The following FIP1L1 variants were observed in gnomAD, a reference collection of about 807,000 sequenced individuals.
FIP1L1 encodes factor interacting with PAPOLA and CPSF1.
A neutral mutation model predicts 84.6 loss-of-function variants in FIP1L1; 21 were observed. That is an observed-to-expected ratio of 0.25 (90% CI 0.18 to 0.36). The LOEUF is 0.36. FIP1L1 is among the 10% of genes least tolerant of loss of function. The pLI is 1.00. For synonymous variants in FIP1L1, 263 were observed against 242.3 expected, an observed-to-expected ratio of 1.09 and a Z score of -0.80; for missense variants, 526 against 751.1, an observed-to-expected ratio of 0.70 and a Z score of 3.50.
chr4:53,411,065 C>G (rs1254738979), intron 10 of FIP1L1, among the ~76,000 whole-genome samples: 1 of 152,090 alleles, frequency 6.6e-6, no homozygotes, highest in Non-Finnish European at 1.5e-5. Flanking sequence ...GGGTGTTTCT[C>G]TGACTCTTGT....
At chr4:53,441,900 T>C (rs995118725) in intron 13 of FIP1L1, among the ~76,000 whole-genome samples, 4 of 151,992 alleles carry the variant, frequency 2.6e-5, no homozygotes, top group Admixed American at 1.3e-4. Flanking sequence ...TCATAAGGAA[T>C]TGACATCATA....
chr4:53,392,481 A>G (rs1234593871), intron 9 of FIP1L1, among the ~76,000 whole-genome samples: 1 of 152,228 alleles, frequency 6.6e-6, no homozygotes, highest in Non-Finnish European at 1.5e-5. Flanking sequence ...TTTTGCAAAT[A>G]TTTTGAAAGT....
In FIP1L1 at chr4:53,390,539, T is replaced by A; in HGVS notation, c.416T>A (p.Val139Glu). 6.2e-7 allele frequency: 1 copy of A among 1,611,620 alleles called. No homozygotes were observed. Among genetic ancestry groups the A allele is most frequent in the Non-Finnish European group, 8.5e-7 (1 of 1,178,224 alleles). The change falls in exon 7 of 18, where the codon GTA (valine) becomes GAA (glutamate). Residue 139 changes from valine (V) to glutamate (E), a missense_variant. Val to Glu is a moderately radical substitution (Grantham distance 121). Coordinates refer to ENST00000337488, the MANE Select transcript of FIP1L1 (RefSeq NM_030917.4). ...YGTTGTKVKG[V>E]DLDAPGSING... ...AAAACAGGGACAAAAGTCAAAGGAG[T>A]AGACCTTGATGCACCTGGAAGCATT...
chr4:53,437,906 T>A (rs1770146197), intron 13 of FIP1L1, among the ~76,000 whole-genome samples: 1 of 151,862 alleles, frequency 6.6e-6, no homozygotes, highest in Admixed American at 6.6e-5. Context: ...TTTGTATTTT[T>A]AGTAGAGACA....
chr4:53,421,744 A>G (rs565005802), intron 11 of FIP1L1, among the ~76,000 whole-genome samples: 6 of 152,352 alleles, frequency 3.9e-5, no homozygotes, highest in Non-Finnish European at 7.3e-5. Context: ...CTTTTAGAAT[A>G]TGGTTATAAA....
chr4:53,432,625 C>G (rs960697280), intron 13 of FIP1L1, among the ~76,000 whole-genome samples: 126 of 152,044 alleles, frequency 8.3e-4, no homozygotes, highest in Non-Finnish European at 1.6e-3. Flanking sequence ...GGGTACTATT[C>G]TGAGTACATT....
intron 10 of FIP1L1, among the ~76,000 whole-genome samples, chr4:53,402,412 A>G (rs1345756695): frequency 6.6e-6 from 1 of 152,160 alleles, no homozygotes; most frequent in Non-Finnish European, 1.5e-5. Context: ...AGAAAAAAAC[A>G]GCATTTTGGC....
intron 13 of FIP1L1, among the ~76,000 whole-genome samples, chr4:53,430,341 CTTTT>C (rs376793476): frequency 2.6e-5 from 2 of 75,804 alleles, no homozygotes; most frequent in Admixed American, 1.8e-4. Flanking sequence ...GATAAAATTA[CTTTT>C]TTTTTTTTTT....
rs1408110133 is a variant in FIP1L1 at position 53,452,846 on chromosome 4, T to TA, written c.1286-74_1286-73insA. ...AAAATGAATTTCTATTATAATCTCA[T>TA]GACACATTTTTGGTGGGCATTTTGT... is the stretch of plus-strand genomic sequence containing the variant. On this transcript the variant is annotated intron_variant, in intron 15 of 17. Transcript: ENST00000337488. 3.8e-6 allele frequency: 4 copies of TA among 1,055,554 alleles called. No individual in the cohort carries two copies. In the East Asian group the frequency reaches 9.5e-5, roughly 25 times the overall value. The allele number at this position is 1,055,554 out of a possible 1,614,324, so 65.4% of individuals were successfully genotyped here.
chr4:53,433,980 T>A (rs1458039824), intron 13 of FIP1L1, among the ~76,000 whole-genome samples: 3 of 152,116 alleles, frequency 2.0e-5, no homozygotes, highest in Non-Finnish European at 4.4e-5. Context: ...GGCGAGTTGC[T>A]CATATCTAGG....
intron 4 of FIP1L1, 84 bp from the exon 5 acceptor site, chr4:53,383,687 CAG>C: frequency 8.2e-7 from 1 of 1,220,476 alleles, no homozygotes; most frequent in Admixed American, 3.0e-5. Context: ...AAAAAAAAAA[CAG>C]GGTGGTTACT....
chr4:53,425,544 A>G (rs1763990898), intron 11 of FIP1L1, among the ~76,000 whole-genome samples: 2 of 152,102 alleles, frequency 1.3e-5, no homozygotes, highest in Admixed American at 1.3e-4. Flanking sequence ...CCATTTGTCT[A>G]GCATTTGCTG....
In FIP1L1 at chr4:53,459,484, G is replaced by A. The variant is rs1721347127; in HGVS notation, c.*35G>A. On this transcript the variant is annotated 3_prime_UTR_variant, in exon 18 of 18. Coordinates refer to ENST00000337488, the MANE Select transcript of FIP1L1 (RefSeq NM_030917.4). ...TGGCCTTTTGTGTATATTAGTACCA[G>A]AAGTAGATACTATAAATCTTGTTAT... The A allele has an allele frequency of 1.2e-5, 20 of 1,612,664 alleles. No individual in the cohort carries two copies. Among genetic ancestry groups the A allele is most frequent in the Non-Finnish European group, 1.5e-5 (18 of 1,178,986 alleles).
intron 10 of FIP1L1, among the ~76,000 whole-genome samples, chr4:53,410,353 G>T (rs544481784): frequency 6.6e-6 from 1 of 152,150 alleles, no homozygotes; most frequent in Non-Finnish European, 1.5e-5. Flanking sequence ...ACAGCTTCTC[G>T]TGTAGTTGTA....
At position 53,384,708 on chromosome 4, in the gene FIP1L1, T is replaced by C. The variant is rs551384597; in HGVS notation, c.332+832T>C. Among the ~76,000 whole-genome samples the C allele has an allele frequency of 6.5e-4, 99 of 152,338 alleles. No homozygotes were observed. The Middle Eastern group carries it at 0.01, about 16-fold the overall frequency. On this transcript the variant is annotated intron_variant, in intron 5 of 17. Coordinates refer to ENST00000337488, the MANE Select transcript of FIP1L1 (RefSeq NM_030917.4). ...TGACTCATTGAGCGCATAAAGAATCTTACAGAAAGATTGGAAGGGAAATAC... is the reference window on the plus strand; with the variant it reads ...TGACTCATTGAGCGCATAAAGAATCCTACAGAAAGATTGGAAGGGAAATAC...
intron 3 of FIP1L1, 51 bp downstream of exon 3, chr4:53,379,315 G>A: frequency 7.0e-7 from 1 of 1,418,798 alleles, no homozygotes; most frequent in Non-Finnish European, 9.6e-7. Flanking sequence ...GTGAAACAAT[G>A]GTTCTGTCAG....
chr4:53,459,238 G>T, intron 17 of FIP1L1, 64 bp from the exon 18 acceptor site: 1 of 1,173,142 alleles, frequency 8.5e-7, no homozygotes, highest in Non-Finnish European at 1.2e-6. Context: ...TAGAGTGATT[G>T]GATTTTTGTC....
intron 14 of FIP1L1, among the ~76,000 whole-genome samples, chr4:53,443,196 G>A (rs919050187): frequency 6.6e-6 from 1 of 152,084 alleles, no homozygotes; most frequent in Admixed American, 6.6e-5. Context: ...GTGTATTTAA[G>A]GCTTATGCTA....
At chr4:53,386,009 T>A (rs1309707842) in intron 5 of FIP1L1, among the ~76,000 whole-genome samples, 1 of 151,948 alleles carries the variant, frequency 6.6e-6, no homozygotes, top group Non-Finnish European at 1.5e-5. Context: ...ATTGATTTAT[T>A]GTAAATTGTT....
Sources: gnomAD v4.1 joint callset for allele counts (sites outside exome capture counted in the v4.1 genomes callset) on GRCh38, gnomAD v4.1.1 for gene constraint, MANE v1.5 for transcripts, NCBI Gene and HGNC (gene_info 2026-07-23, HGNC 2026-07-21) for gene names.